The following RAB3GAP1 variants were observed in gnomAD, a reference collection of about 807,000 sequenced individuals.
RAB3GAP1 encodes the protein rab3 GTPase-activating protein catalytic subunit.
A neutral mutation model predicts 130.7 loss-of-function variants in RAB3GAP1; 86 were observed. The ratio of observed to expected loss-of-function variants is 0.66; its 90% confidence interval spans 0.55 to 0.79. The LOEUF is 0.79. Among genes scored for constraint, RAB3GAP1 ranks in the 30% least tolerant of loss-of-function variants. RAB3GAP1 has a pLI of 0.00. For missense variants in RAB3GAP1, 1,029 were observed against 1,169.4 expected (o/e 0.88, Z 1.75); for synonymous variants, 367 against 401.7 (o/e 0.91, Z 1.03).
chr2:135,158,896 A>G (rs961678791), intron 19 of RAB3GAP1, among the ~76,000 whole-genome samples: 1 of 152,172 alleles, frequency 6.6e-6, no homozygotes, highest in Non-Finnish European at 1.5e-5. Context: ...ATCTTAGTCT[A>G]ATTGTGAGGG....
intron 5 of RAB3GAP1, among the ~76,000 whole-genome samples, chr2:135,097,051 T>C (rs1272048819): frequency 3.9e-5 from 6 of 152,126 alleles, no homozygotes; most frequent in African/African-American, 1.2e-4. Context: ...ATTGGACTTT[T>C]TGTGGAGGTG....
intron 7 of RAB3GAP1, among the ~76,000 whole-genome samples, chr2:135,119,202 G>A (rs1338632929): frequency 6.6e-6 from 1 of 150,688 alleles, no homozygotes; most frequent in African/African-American, 2.4e-5. Context: ...TCTGCCTCCC[G>A]GGATCAAGCG....
At chr2:135,136,003 G>A (rs1691671253) in intron 17 of RAB3GAP1, 71 bp downstream of exon 17, 2 of 1,571,694 alleles carry the variant, frequency 1.3e-6, no homozygotes, top group East Asian at 4.5e-5. Context: ...GTAGAAGATA[G>A]TGCTTTGAGT....
intron 3 of RAB3GAP1, among the ~76,000 whole-genome samples, chr2:135,070,296 T>C (rs892599362): frequency 6.6e-6 from 1 of 152,230 alleles, no homozygotes; most frequent in Non-Finnish European, 1.5e-5. Flanking sequence ...TCTGTTATTT[T>C]GCCTCAGCTT....
At chr2:135,131,457 C>G (rs995317175) in intron 13 of RAB3GAP1, among the ~76,000 whole-genome samples, 2 of 152,080 alleles carry the variant, frequency 1.3e-5, no homozygotes, top group African/African-American at 4.8e-5. Flanking sequence ...GTCTCGATCT[C>G]CTGACCTCGT....
chr2:135,056,625 G>C (rs566873538), intron 2 of RAB3GAP1, among the ~76,000 whole-genome samples: 1 of 152,154 alleles, frequency 6.6e-6, no homozygotes, highest in South Asian at 2.1e-4. Context: ...TTTTAGCTTC[G>C]TAAATATAGT....
chr2:135,117,543 G>GCTTCTTCTTCTT (rs34092587), intron 7 of RAB3GAP1, among the ~76,000 whole-genome samples: 3 of 43,842 alleles, frequency 6.8e-5, no homozygotes, highest in African/African-American at 2.7e-4. Context: ...TTCTTCTTCT[G>GCTTCTTCTTCTT]CTTCTTCTTC....
At chr2:135,162,046 G>A (rs940495852) in intron 19 of RAB3GAP1, among the ~76,000 whole-genome samples, 4 of 152,082 alleles carry the variant, frequency 2.6e-5, no homozygotes, top group African/African-American at 9.7e-5. Flanking sequence ...TAGGGTCCAT[G>A]TTTTGTACAT....
rs745808155 is a variant in RAB3GAP1 at position 135,113,179 on chromosome 2, G to A, written c.391G>A (p.Ala131Thr). The change falls in exon 6 of 24, where the codon GCC (alanine) becomes ACC (threonine). Residue 131 changes from alanine to threonine, a missense_variant. Ala to Thr is a moderately conservative substitution (Grantham distance 58, BLOSUM62 0). This residue lies in a region of RAB3GAP1 where 510 missense variants were observed against 532.1 expected (regional missense o/e 0.96). Transcript: ENST00000264158. Reference sequence around the variant, plus strand: ...TGGGCTACGTGAGTTCGTGGTGATTGCCCCTGCTGCACACAGTGACGCTGT... The same window carrying A: ...TGGGCTACGTGAGTTCGTGGTGATTACCCCTGCTGCACACAGTGACGCTGT... ...WYGLREFVVI[A>T]PAAHSDAVLS... 1 of 1,614,100 alleles carries A rather than the reference G, an allele frequency of 6.2e-7. No homozygotes were observed. The highest frequency in any genetic ancestry group is 1.7e-5 in the Admixed American group (1 of 60,026).
chr2:135,108,131 C>G (rs1690687569), intron 5 of RAB3GAP1, among the ~76,000 whole-genome samples: 1 of 151,906 alleles, frequency 6.6e-6, no homozygotes, highest in African/African-American at 2.4e-5. Context: ...AAAAATGCAT[C>G]TTAAAACAAA....
In RAB3GAP1 at chr2:135,069,758, A is replaced by G. The variant is rs373270280; in HGVS notation, c.150+11672A>G. On this transcript the variant is annotated intron_variant, in intron 3 of 23. Coordinates refer to ENST00000264158, the MANE Select transcript of RAB3GAP1 (RefSeq NM_012233.3). ...CTGTGCAGTAGGAATTATCCCCCTC[A>G]CTTCCTGTTTATTAAAACAACCTTC... is the stretch of plus-strand genomic sequence containing the variant. Among the ~76,000 whole-genome samples the G allele has an allele frequency of 4.6e-5, 7 of 152,044 alleles. No homozygotes were observed. In the East Asian group the frequency reaches 9.7e-4, roughly 21 times the overall value.
intron 5 of RAB3GAP1, among the ~76,000 whole-genome samples, chr2:135,095,658 C>A (rs956666777): frequency 2.0e-5 from 3 of 152,116 alleles, no homozygotes; most frequent in Non-Finnish European, 2.9e-5. Flanking sequence ...TACCTGTGGT[C>A]AAGTGTAGTC....
chr2:135,151,313 C>G (rs1424342600), intron 18 of RAB3GAP1, among the ~76,000 whole-genome samples: 1 of 152,184 alleles, frequency 6.6e-6, no homozygotes, highest in Non-Finnish European at 1.5e-5. Flanking sequence ...TTTATTTAAC[C>G]TGTGGTGGCC....
intron 5 of RAB3GAP1, among the ~76,000 whole-genome samples, chr2:135,100,780 G>T (rs1175408220): frequency 6.6e-6 from 1 of 152,182 alleles, no homozygotes; most frequent in Non-Finnish European, 1.5e-5. Context: ...TAATCTATGG[G>T]ATTAATAGAT....
intron 19 of RAB3GAP1, among the ~76,000 whole-genome samples, chr2:135,154,193 G>A (rs888615965): frequency 6.6e-6 from 1 of 152,140 alleles, no homozygotes; most frequent in African/African-American, 2.4e-5. Context: ...GAAATAATGA[G>A]AAATATACAA....
chr2:135,132,661 T>C (rs1161795643), intron 13 of RAB3GAP1, among the ~76,000 whole-genome samples: 3 of 152,188 alleles, frequency 2.0e-5, no homozygotes, highest in African/African-American at 7.2e-5. Context: ...TGATTACTTT[T>C]AAGAAAAAAA....
chr2:135,163,725 TGATAA>T (rs1199718202), intron 22 of RAB3GAP1, among the ~76,000 whole-genome samples: 1 of 152,250 alleles, frequency 6.6e-6, no homozygotes, highest in Admixed American at 6.5e-5. Context: ...TTTTAATGTG[TGATAA>T]AGTGTTCACA....
intron 9 of RAB3GAP1, among the ~76,000 whole-genome samples, chr2:135,124,827 C>T (rs1345284328): frequency 6.6e-6 from 1 of 152,006 alleles, no homozygotes; most frequent in African/African-American, 2.4e-5. Flanking sequence ...ATGGTGTTTA[C>T]ATTTTTAAAG....
intron 23 of RAB3GAP1, among the ~76,000 whole-genome samples, chr2:135,166,246 T>C (rs1159652394): frequency 1.3e-5 from 2 of 152,182 alleles, no homozygotes; most frequent in Non-Finnish European, 2.9e-5. Flanking sequence ...TTGTTACTTA[T>C]TTTAGATAAC....
Sources: gnomAD v4.1 joint callset for allele counts (sites outside exome capture counted in the v4.1 genomes callset) on GRCh38, gnomAD v4.1.1 for gene constraint, gnomAD v4.1.1 regional missense constraint, MANE v1.5 for transcripts, NCBI Gene and HGNC (gene_info 2026-07-23, HGNC 2026-07-21) for gene names.